The following CHST9 variants were observed in gnomAD, a reference collection of about 807,000 sequenced individuals.
The protein encoded by CHST9 is carbohydrate sulfotransferase 9, also known as GalNAc-4-sulfotransferase 2.
CHST9 carries 41 observed loss-of-function variants against 44.4 expected under a neutral mutation model. The observed-to-expected ratio is 0.92, with a 90% CI of 0.72 to 1.20. The LOEUF (loss-of-function observed/expected upper bound fraction) is 1.20, where lower values mean the gene tolerates loss of function less well. Ranked by LOEUF, CHST9 falls within the 50% of genes most tolerant of loss-of-function variation. The pLI, the probability that CHST9 is intolerant of heterozygous loss-of-function variation, is 0.00. For synonymous variants in CHST9, 171 were observed against 178.4 expected (o/e 0.96, Z 0.33); for missense variants, 504 against 516.5 (o/e 0.98, Z 0.23).
intron 4 of CHST9, among the ~76,000 whole-genome samples, chr18:26,973,302 G>A (rs191063357): frequency 3.7e-4 from 57 of 152,314 alleles, no homozygotes; most frequent in African/African-American, 1.1e-3. Context: ...GGAAATTCCA[G>A]TGTCTAGAGT....
At chr18:27,104,663 C>G (rs1258296467) in intron 2 of CHST9, among the ~76,000 whole-genome samples, 1 of 152,038 alleles carries the variant, frequency 6.6e-6, no homozygotes, top group East Asian at 1.9e-4. Flanking sequence ...ATTTCAACTT[C>G]GAAAAATGAT....
At position 26,916,908 on chromosome 18, in the gene CHST9, T is replaced by C. The variant is rs1422717617; in HGVS notation, c.683A>G (p.Lys228Arg). The C allele has an allele frequency of 1.9e-6, 3 of 1,613,886 alleles. No homozygotes were observed. The highest frequency in any genetic ancestry group is 2.2e-5 in the East Asian group (1 of 44,860). The change falls in exon 6 of 6, where the codon AAA becomes AGA. Residue 228 changes from lysine (K) to arginine (R), a missense_variant. Coordinates refer to ENST00000618847, the MANE Select transcript of CHST9 (RefSeq NM_031422.6). ...EVPKAGCSNW[K>R]RILMVLNGLA... is the part of the protein sequence containing the mutation. Reference sequence around the variant, plus strand: ...TCCATTTAGTACCATCAGAATTCTTTTCCAATTGGAACAGCCAGCCTTAGG... The same window carrying C: ...TCCATTTAGTACCATCAGAATTCTTCTCCAATTGGAACAGCCAGCCTTAGG...
At chr18:27,015,548 C>T (rs1354735776) in intron 4 of CHST9, among the ~76,000 whole-genome samples, 1 of 152,156 alleles carries the variant, frequency 6.6e-6, no homozygotes, top group African/African-American at 2.4e-5. Context: ...CCTGCCTCTC[C>T]TGGCGACTCT....
intron 4 of CHST9, among the ~76,000 whole-genome samples, chr18:27,006,488 C>T (rs1299842715): frequency 6.6e-6 from 1 of 152,066 alleles, no homozygotes; most frequent in African/African-American, 2.4e-5. Context: ...TGCTGTTTGG[C>T]CTGTTTAATT....
At chr18:27,043,850 T>C (rs1371415448) in intron 3 of CHST9, among the ~76,000 whole-genome samples, 1 of 152,092 alleles carries the variant, frequency 6.6e-6, no homozygotes, top group Non-Finnish European at 1.5e-5. Flanking sequence ...ATGGTCCTTG[T>C]TGATTCTAGT....
At chr18:27,033,630 T>C (rs948143329) in intron 3 of CHST9, among the ~76,000 whole-genome samples, 1 of 152,220 alleles carries the variant, frequency 6.6e-6, no homozygotes, top group African/African-American at 2.4e-5. Flanking sequence ...TCTTTTGATC[T>C]GAAATAAAGT....
chr18:27,132,058 C>T (rs2058476468), intron 2 of CHST9, among the ~76,000 whole-genome samples: 8 of 152,174 alleles, frequency 5.3e-5, no homozygotes, highest in Admixed American at 2.0e-4. Context: ...GCCTTGGGGC[C>T]ACTTACTAAA....
intron 5 of CHST9, among the ~76,000 whole-genome samples, chr18:26,928,984 G>T (rs1568095661): frequency 6.6e-6 from 1 of 152,152 alleles, no homozygotes; most frequent in Non-Finnish European, 1.5e-5. Flanking sequence ...GGAATTCCAA[G>T]AACTATTTTG....
intron 5 of CHST9, 146 bp from the exon 6 acceptor site, chr18:26,917,496 G>T: frequency 2.2e-6 from 2 of 901,344 alleles, no homozygotes; most frequent in Non-Finnish European, 3.3e-6. Flanking sequence ...AAGGCATGCT[G>T]AACATACATT....
Position 26,928,968 on chromosome 18 carries a change from A to G in CHST9, c.241-11618T>C, listed in dbSNP as rs973918948. Among the ~76,000 whole-genome samples, 13 of 152,192 alleles carry G rather than the reference A, an allele frequency of 8.5e-5. 1 individual carries two copies. The highest frequency in any genetic ancestry group is 8.5e-4 in the Admixed American group (13 of 15,282). Reference sequence around the variant, plus strand: ...TTCCTGAGTCTGTTTCCTCATTTTTAAAGTGGGAATTCCAAGAACTATTTT... The same window carrying G: ...TTCCTGAGTCTGTTTCCTCATTTTTGAAGTGGGAATTCCAAGAACTATTTT... On this transcript the variant is annotated intron_variant, in intron 5 of 5. Transcript: ENST00000618847.
At chr18:27,103,377 G>C (rs1050683025) in intron 2 of CHST9, among the ~76,000 whole-genome samples, 1 of 152,188 alleles carries the variant, frequency 6.6e-6, no homozygotes, top group South Asian at 2.1e-4. Context: ...CAGTGGACAG[G>C]CAGTGCCTCT....
intron 2 of CHST9, among the ~76,000 whole-genome samples, chr18:27,132,981 C>A (rs2058484447): frequency 6.6e-6 from 1 of 152,166 alleles, no homozygotes; most frequent in Non-Finnish European, 1.5e-5. Flanking sequence ...ATCAGACAGT[C>A]CAGGTACTCA....
chr18:26,922,089 T>A (rs1253440762), intron 5 of CHST9, among the ~76,000 whole-genome samples: 2 of 152,204 alleles, frequency 1.3e-5, no homozygotes, highest in Non-Finnish European at 2.9e-5. Context: ...TCCTCTAGTA[T>A]CAGTGAACGT....
intron 4 of CHST9, among the ~76,000 whole-genome samples, chr18:26,969,879 T>TGTTATA (rs60569460): frequency 0.28 from 43,179 of 151,832 alleles, 7,115 homozygotes; most frequent in African/African-American, 0.46. Context: ...AAATAGAATT[T>TGTTATA]GTTATATTTC....
intron 1 of CHST9, 113 bp downstream of exon 1, chr18:27,185,023 G>T (rs1326606300): frequency 2.0e-5 from 3 of 152,580 alleles, no homozygotes; most frequent in Non-Finnish European, 4.4e-5. Flanking sequence ...GAAAGGTGAG[G>T]GCGCACGTCC....
intron 2 of CHST9, among the ~76,000 whole-genome samples, chr18:27,078,925 AGG>A (rs2143673775): frequency 6.6e-6 from 1 of 152,310 alleles, no homozygotes; most frequent in South Asian, 2.1e-4. Context: ...TTCATTAATG[AGG>A]TTTACTGTAT....
At chr18:27,034,234 G>A (rs2057368998) in intron 3 of CHST9, among the ~76,000 whole-genome samples, 2 of 152,144 alleles carry the variant, frequency 1.3e-5, no homozygotes, top group African/African-American at 4.8e-5. Flanking sequence ...TAAATCTGGA[G>A]TCATCCTTTA....
chr18:27,085,790 A>G (rs897394451), intron 2 of CHST9, among the ~76,000 whole-genome samples: 1 of 152,182 alleles, frequency 6.6e-6, no homozygotes, highest in African/African-American at 2.4e-5. Context: ...AGGAATATAA[A>G]TTCTTCTACC....
intron 2 of CHST9, among the ~76,000 whole-genome samples, chr18:27,087,070 C>T (rs990741374): frequency 6.6e-6 from 1 of 152,072 alleles, no homozygotes; most frequent in African/African-American, 2.4e-5. Context: ...TGAAAGTCAA[C>T]CTATAAAGAC....
Sources: gnomAD v4.1 joint callset for allele counts (sites outside exome capture counted in the v4.1 genomes callset) on GRCh38, gnomAD v4.1.1 for gene constraint, MANE v1.5 for transcripts, NCBI Gene and HGNC (gene_info 2026-07-23, HGNC 2026-07-21) for gene names.